PTPRS: variants seen among roughly 807,000 people sequenced by gnomAD.
The protein encoded by PTPRS is receptor-type tyrosine-protein phosphatase S.
A neutral mutation model predicts 215.3 loss-of-function variants in PTPRS; 63 were observed. The ratio of observed to expected loss-of-function variants is 0.29; its 90% CI spans 0.24 to 0.36. The LOEUF (loss-of-function observed/expected upper bound fraction) is 0.36. Among genes scored for constraint, PTPRS ranks in the 10% least tolerant of loss-of-function variants. PTPRS has a pLI of 1.00. For missense variants in PTPRS, 2,258 were observed against 2,825.8 expected, an observed-to-expected ratio of 0.80 and a Z score of 4.56; for synonymous variants, 1,404 against 1,191.4, an observed-to-expected ratio of 1.18 and a Z score of -3.68.
At chr19:5,258,907 T>C (rs2045773914) in intron 7 of PTPRS, among the ~76,000 whole-genome samples, 1 of 152,226 alleles carries the variant, frequency 6.6e-6, no homozygotes, top group Non-Finnish European at 1.5e-5. Context: ...TACCTGCTTG[T>C]ATTTAAAACC....
intron 1 of PTPRS, among the ~76,000 whole-genome samples, chr19:5,316,527 G>A (rs949996766): frequency 2.6e-5 from 4 of 152,142 alleles, no homozygotes; most frequent in African/African-American, 9.7e-5. Context: ...CAAGTAGTTG[G>A]GACCACAGAC....
rs2049087953 is a variant in PTPRS, at chr19:5,294,945, G to A, written c.-94-8711C>T. On this transcript the variant is annotated intron_variant, in intron 1 of 37. Coordinates refer to ENST00000262963, the MANE Select transcript of PTPRS (RefSeq NM_002850.4). This position sits in a 1 kb window ranked among gnomAD's most constrained non-coding sequence, Gnocchi z 5.1. ...ACACAGTAGGTGCTTCATGGAGGAG[G>A]CTGCCTGGTGCCCCAGCATCACCAA... Among the ~76,000 whole-genome samples the A allele has an allele frequency of 6.6e-6, 1 of 152,180 alleles. No individual in the cohort carries two copies. The highest frequency in any genetic ancestry group is 2.1e-4 in the South Asian group (1 of 4,832).
Position 5,240,433 on chromosome 19 carries a change from T to A in PTPRS, c.1571-101A>T, listed in dbSNP as rs2043934373. ...CCCACTAAAAGATGCCAGCTCTGGG[T>A]GCTTCTAGAATGTTCTTTTATTTTC... On this transcript the variant is annotated intron_variant, in intron 11 of 37. Transcript: ENST00000262963. 2.4e-6 allele frequency: 3 copies of A among 1,240,898 alleles called. No homozygotes were observed. The Admixed American group carries it at 1.0e-4, about 42-fold the overall frequency. The allele number at this position is 1,240,898 out of a possible 1,614,324, so 76.9% of individuals were successfully genotyped here.
intron 7 of PTPRS, among the ~76,000 whole-genome samples, chr19:5,258,997 A>G (rs1459182149): frequency 6.6e-6 from 1 of 152,168 alleles, no homozygotes; most frequent in Non-Finnish European, 1.5e-5. Context: ...ATGGTCCTAG[A>G]CCCAATTCTA....
In PTPRS at chr19:5,295,556, A is replaced by C. The variant is rs10415188; in HGVS notation, c.-94-9322T>G. Among the ~76,000 whole-genome samples the C allele has an allele frequency of 6.6e-6, 1 of 151,868 alleles. No homozygotes were observed. Among genetic ancestry groups the C allele is most frequent in the African/African-American group, 2.4e-5 (1 of 41,364 alleles). On this transcript the variant is annotated intron_variant, in intron 1 of 37. Coordinates refer to ENST00000262963, the MANE Select transcript of PTPRS (RefSeq NM_002850.4). The surrounding 1 kb of genome is among the most constrained non-coding windows in gnomAD (Gnocchi z 4.6). ...GCCTCTCCCACCAGACTGTGACCTC[A>C]GGAGGCAGAGCAGGATTTGTCTCGG... is the stretch of plus-strand genomic sequence containing the variant.
chr19:5,232,323 T>C (rs1271976574), intron 13 of PTPRS, among the ~76,000 whole-genome samples: 1 of 149,810 alleles, frequency 6.7e-6, no homozygotes, highest in Non-Finnish European at 1.5e-5. Context: ...AGAAGCTCCA[T>C]TTATTAGGCA....
At chr19:5,336,253 T>C (rs534565840) in intron 1 of PTPRS, among the ~76,000 whole-genome samples, 2 of 95,188 alleles carry the variant, frequency 2.1e-5, no homozygotes, top group African/African-American at 9.9e-5. Context: ...TTTTCTTTCC[T>C]TAAAGGAAAA....
intron 2 of PTPRS, among the ~76,000 whole-genome samples, chr19:5,284,021 T>C (rs1023241635): frequency 6.6e-6 from 1 of 151,388 alleles, no homozygotes; most frequent in Non-Finnish European, 1.5e-5. Context: ...TTGAGACCAG[T>C]CCGGGCAACA....
intron 9 of PTPRS, among the ~76,000 whole-genome samples, chr19:5,255,435 C>T (rs921128178): frequency 1.3e-5 from 2 of 151,962 alleles, no homozygotes; most frequent in African/African-American, 2.4e-5. Flanking sequence ...ACAGCTCAAC[C>T]CAAGAAACCA....
intron 1 of PTPRS, among the ~76,000 whole-genome samples, chr19:5,298,652 C>T (rs1297453747): frequency 6.6e-6 from 1 of 152,248 alleles, no homozygotes; most frequent in Non-Finnish European, 1.5e-5. Context: ...CACATCACAG[C>T]CCTGGCGCCG....
chr19:5,214,323 C>G (rs1568374952), intron 30 of PTPRS, 38 bp downstream of exon 30: 2 of 1,613,584 alleles, frequency 1.2e-6, no homozygotes, highest in South Asian at 1.1e-5. Context: ...CCAACACATT[C>G]CTCCACCCTC....
chr19:5,260,909 T>A, intron 6 of PTPRS, 87 bp from the exon 7 acceptor site: 1 of 1,488,794 alleles, frequency 6.7e-7, no homozygotes, highest in Non-Finnish European at 9.3e-7. Flanking sequence ...GGCTGGGCCG[T>A]AAGCCAGGCC....
chr19:5,274,867 C>G (rs1294521244), intron 2 of PTPRS, among the ~76,000 whole-genome samples: 2 of 152,074 alleles, frequency 1.3e-5, no homozygotes, highest in African/African-American at 4.8e-5. Flanking sequence ...GGGGGGTGAC[C>G]ATGGGACATG....
chr19:5,282,336 C>T (rs1272039552), intron 2 of PTPRS, among the ~76,000 whole-genome samples: 2 of 152,196 alleles, frequency 1.3e-5, no homozygotes, highest in Admixed American at 6.5e-5. Flanking sequence ...CTTGCAAATG[C>T]TTGCAATCTC....
At position 5,223,305 on chromosome 19, in the gene PTPRS, G is replaced by A. The variant is rs74618932; in HGVS notation, c.2495-8C>T. The A allele has an allele frequency of 7.8e-3, 11,297 of 1,449,074 alleles. 748 individuals carry two copies. The African/African-American group carries it at 0.15, about 19-fold the overall frequency. The allele number at this position is 1,449,074 out of a possible 1,614,324, so 89.8% of individuals were successfully genotyped here. ...GGGTTGGGCGGCCCAGCACTGCGGG[G>A]ATACGGGGCAGGTGTCAGGGTCCCA... On this transcript the variant is annotated splice_region_variant and splice_polypyrimidine_tract_variant and intron_variant, in intron 17 of 37. Transcript: ENST00000262963.
intron 13 of PTPRS, among the ~76,000 whole-genome samples, chr19:5,233,946 C>A (rs979031476): frequency 5.8e-4 from 16 of 27,758 alleles, no homozygotes; most frequent in South Asian, 4.4e-3. Context: ...ACTCCATCTC[C>A]AAAAAAAAAA....
chr19:5,214,630 G>T lies in PTPRS; in HGVS notation c.4425C>A (p.Phe1475Leu). ...QGPLPETFGD[F>L]WRMVWEQRSA... ...ACCGCTGCTCCCACACCATACGCCAGAAGTCCCCAAAGGTCTCAGGCAGCG... is the reference window on the plus strand; with the variant it reads ...ACCGCTGCTCCCACACCATACGCCATAAGTCCCCAAAGGTCTCAGGCAGCG... The change falls in exon 29 of 38, where the codon TTC becomes TTA. Residue 1475 changes from phenylalanine (F) to leucine (L), a missense_variant. Around this residue, in one of 6 missense-constraint regions of PTPRS, gnomAD observed 927 missense variants for 1,125.9 expected, o/e 0.82. Coordinates refer to ENST00000262963, the MANE Select transcript of PTPRS (RefSeq NM_002850.4). 1.2e-6 allele frequency: 2 copies of T among 1,613,360 alleles called. No individual in the cohort carries two copies. Among genetic ancestry groups the T allele is most frequent in the Non-Finnish European group, 1.7e-6 (2 of 1,179,972 alleles).
At chr19:5,271,020 G>C (rs1002184375) in intron 4 of PTPRS, among the ~76,000 whole-genome samples, 1 of 152,138 alleles carries the variant, frequency 6.6e-6, no homozygotes, top group Non-Finnish European at 1.5e-5. Flanking sequence ...GTCTGAAATC[G>C]AGTACTACTA....
intron 17 of PTPRS, among the ~76,000 whole-genome samples, chr19:5,223,560 ATT>A (rs35490567): frequency 0.16 from 20,719 of 128,852 alleles, 2,446 homozygotes; most frequent in African/African-American, 0.35. Context: ...TGCGGTTGTG[ATT>A]TTTTTTTTTT....
Sources: allele counts gnomAD v4.1 joint callset (sites outside exome capture counted in the v4.1 genomes callset), GRCh38; gene constraint gnomAD v4.1.1; regional missense constraint gnomAD v4.1.1; non-coding constraint Gnocchi (gnomAD v3.1); transcripts MANE v1.5; gene names NCBI Gene and HGNC (gene_info 2026-07-23, HGNC 2026-07-21).